Variants in TCEA1 observed in about 807,000 individuals in gnomAD.
TCEA1 encodes the protein transcription elongation factor A1.
TCEA1 carries 21 observed loss-of-function variants against 43.8 expected under a neutral mutation model. The observed-to-expected ratio is 0.48, with a 90% CI of 0.34 to 0.69. TCEA1 has a LOEUF of 0.69. TCEA1 is among the 30% of genes least tolerant of loss of function. The pLI is 0.01. For synonymous variants in TCEA1, 104 were observed against 117.5 expected (o/e 0.88, Z 0.75); for missense variants, 250 against 365.1 (o/e 0.68, Z 2.57).
intron 8 of TCEA1, among the ~76,000 whole-genome samples, chr8:53,975,979 T>C (rs1242057510): frequency 6.6e-6 from 1 of 152,178 alleles, no homozygotes; most frequent in Non-Finnish European, 1.5e-5. Flanking sequence ...ACTTAATCTA[T>C]ACAAGATTAT....
chr8:54,000,126 C>T, intron 2 of TCEA1, 76 bp from the exon 3 acceptor site: 5 of 891,538 alleles, frequency 5.6e-6, no homozygotes, highest in South Asian at 2.1e-5. Flanking sequence ...ACATTCTTTT[C>T]TTTCCCAGAT....
chr8:53,973,080 G>C (rs1328015726), intron 8 of TCEA1: 3 of 664,416 alleles, frequency 4.5e-6, no homozygotes, highest in Non-Finnish European at 8.7e-6. Context: ...AGACTACTTA[G>C]CTTCCTCTAG....
intron 3 of TCEA1, among the ~76,000 whole-genome samples, chr8:53,996,057 T>C (rs1042091935): frequency 1.1e-4 from 16 of 152,114 alleles, no homozygotes; most frequent in African/African-American, 3.6e-4. Context: ...CCAAAAGTAA[T>C]AGGGTAGAAA....
Position 53,967,977 on chromosome 8 carries a change from A to G in TCEA1, c.*127T>C. 1 of 792,738 alleles carries G rather than the reference A, an allele frequency of 1.3e-6. No homozygotes were observed. The highest frequency in any genetic ancestry group is 2.0e-6 in the Non-Finnish European group (1 of 506,800). 49.1% of individuals were successfully genotyped at this position (792,738 alleles called of 1,614,324 possible). On this transcript the variant is annotated 3_prime_UTR_variant, in exon 10 of 10. Coordinates refer to ENST00000521604, the MANE Select transcript of TCEA1 (RefSeq NM_006756.4). ...ATTTAAGGAAGGGATGTTAGGTCAAAAACAAAGTCTAACCCAAGTTGCTTT... is the reference window on the plus strand; with the variant it reads ...ATTTAAGGAAGGGATGTTAGGTCAAGAACAAAGTCTAACCCAAGTTGCTTT...
chr8:53,973,382 C>CA, intron 8 of TCEA1: 1 of 507,784 alleles, frequency 2.0e-6, no homozygotes, highest in Admixed American at 2.9e-5. Flanking sequence ...GAAAAAAAGA[C>CA]AAAAAGAAAA....
At chr8:53,970,197 T>G (rs1803113750) in intron 9 of TCEA1, 195 bp downstream of exon 9, 1 of 606,036 alleles carries the variant, frequency 1.7e-6, no homozygotes, top group Admixed American at 3.1e-5. Flanking sequence ...GGTGGTAAAG[T>G]CAAGTTAATA....
At chr8:53,971,891 A>T (rs1189758522) in intron 8 of TCEA1, 4 of 185,808 alleles carry the variant, frequency 2.2e-5, no homozygotes, top group Non-Finnish European at 4.3e-5. Flanking sequence ...TGAGAGAATT[A>T]AAAAAATGAA....
intron 1 of TCEA1, among the ~76,000 whole-genome samples, chr8:54,020,856 C>A (rs539046527): frequency 3.3e-5 from 5 of 152,236 alleles, no homozygotes; most frequent in African/African-American, 9.6e-5. Context: ...ATGTGCCGAA[C>A]GTGGTTAAAC....
At chr8:53,984,954 A>G (rs1803642443) in intron 6 of TCEA1, among the ~76,000 whole-genome samples, 1 of 152,046 alleles carries the variant, frequency 6.6e-6, no homozygotes, top group Non-Finnish European at 1.5e-5. Context: ...TGTTAAAAAC[A>G]AGGTACTATA....
At chr8:54,020,592 C>A (rs1804989982) in intron 1 of TCEA1, among the ~76,000 whole-genome samples, 1 of 152,160 alleles carries the variant, frequency 6.6e-6, no homozygotes, top group African/African-American at 2.4e-5. Flanking sequence ...AAACCTGGGT[C>A]CTGGCTTATT....
Position 53,984,349 on chromosome 8 carries a change from T to C in TCEA1, c.678+14A>G, listed in dbSNP as rs766657555. The C allele has an allele frequency of 4.5e-5, 71 of 1,582,524 alleles. No homozygotes were observed. Among genetic ancestry groups the C allele is most frequent in the Non-Finnish European group, 5.1e-6 (6 of 1,168,692 alleles). ...GAATCACATTATAGAAACCTCAGATTCACACATACTCACCTCTGCTGTCAT... is the reference window on the plus strand; with the variant it reads ...GAATCACATTATAGAAACCTCAGATCCACACATACTCACCTCTGCTGTCAT... On this transcript the variant is annotated intron_variant, in intron 7 of 9. Coordinates refer to ENST00000521604, the MANE Select transcript of TCEA1 (RefSeq NM_006756.4).
chr8:54,004,128 C>A (rs184671598), intron 2 of TCEA1, among the ~76,000 whole-genome samples: 70 of 152,186 alleles, frequency 4.6e-4, no homozygotes, highest in Non-Finnish European at 6.5e-4. Flanking sequence ...CAAAAACAAA[C>A]AACAACAAGT....
chr8:54,003,863 G>A (rs1246219050), intron 2 of TCEA1, among the ~76,000 whole-genome samples: 1 of 149,646 alleles, frequency 6.7e-6, no homozygotes, highest in Non-Finnish European at 1.5e-5. Context: ...CACAGAAAAA[G>A]AGACAATATT....
chr8:53,971,976 A>G (rs1793043398), intron 8 of TCEA1: 1 of 191,008 alleles, frequency 5.2e-6, no homozygotes, highest in Non-Finnish European at 1.1e-5. Flanking sequence ...AAAAAGTACA[A>G]AAGAGAAAAA....
chr8:54,013,708 AAC>A (rs1267012623), intron 1 of TCEA1, among the ~76,000 whole-genome samples: 1 of 151,468 alleles, frequency 6.6e-6, no homozygotes, highest in African/African-American at 2.4e-5. Context: ...AAAAACAAAA[AAC>A]AGACAAACAA....
intron 1 of TCEA1, among the ~76,000 whole-genome samples, chr8:54,011,140 A>G (rs1386346070): frequency 6.6e-6 from 1 of 152,212 alleles, no homozygotes. Flanking sequence ...TGAAAGAATT[A>G]TTTTAGAGTT....
intron 1 of TCEA1, among the ~76,000 whole-genome samples, chr8:54,012,376 A>T (rs894296529): frequency 7.2e-5 from 11 of 152,310 alleles, no homozygotes; most frequent in Non-Finnish European, 1.3e-4. Context: ...CCTAACCAAG[A>T]TAGTGAAACC....
intron 1 of TCEA1, among the ~76,000 whole-genome samples, chr8:54,018,272 A>T (rs1804902961): frequency 6.6e-6 from 1 of 152,176 alleles, no homozygotes; most frequent in South Asian, 2.1e-4. Flanking sequence ...TCAATGAAAT[A>T]AATAAATAAA....
At chr8:54,011,795 G>T (rs2129312919) in intron 1 of TCEA1, among the ~76,000 whole-genome samples, 1 of 152,232 alleles carries the variant, frequency 6.6e-6, no homozygotes, top group African/African-American at 2.4e-5. Context: ...CAGACATTAG[G>T]CTTGGCCTTC....
Sources: allele counts gnomAD v4.1 joint callset (sites outside exome capture counted in the v4.1 genomes callset), GRCh38; gene constraint gnomAD v4.1.1; transcripts MANE v1.5; gene names NCBI Gene and HGNC (gene_info 2026-07-23, HGNC 2026-07-21).